SNX8: variants seen among roughly 807,000 people sequenced by gnomAD.
The protein encoded by SNX8 is sorting nexin-8.
In SNX8, 25 loss-of-function variants were observed where a neutral mutation model predicts 51.6. The observed-to-expected ratio is 0.48, with a 90% confidence interval of 0.35 to 0.68. The LOEUF (loss-of-function observed/expected upper bound fraction) is 0.68, where lower values mean the gene tolerates loss of function less well. SNX8 is among the 30% of genes least tolerant of loss of function. The pLI is 0.00. For missense variants in SNX8, 695 were observed against 624.0 expected (o/e 1.11, Z -1.21); for synonymous variants, 324 against 277.0 (o/e 1.17, Z -1.68).
At position 2,251,895 on chromosome 7, in the gene SNX8, T is replaced by G. The variant is rs1358155060; in HGVS notation, c.*3161A>C. The G allele has an allele frequency of 6.6e-6, 1 of 152,274 alleles. No homozygotes were observed. The highest frequency in any genetic ancestry group is 2.4e-5 in the African/African-American group (1 of 41,462). The allele number at this position is 152,274 out of a possible 1,614,324, so 9.4% of individuals were successfully genotyped here. A position where few individuals can be genotyped will look rare whatever the true frequency, so the allele number is the denominator to read the frequency against. ...CTCCTAAAGTGCTTTGGACATGAAC[T>G]GACCCGCAAAGCAAGGGCAAAGGCC... On this transcript the variant is annotated 3_prime_UTR_variant, in exon 11 of 11. Transcript: ENST00000222990.
Position 2,264,416 on chromosome 7 carries a change from G to T in SNX8, c.664C>A (p.Arg222=), listed in dbSNP as rs375260506. 13 of 1,612,076 alleles carry T rather than the reference G, an allele frequency of 8.1e-6. No individual in the cohort carries two copies. The highest frequency in any genetic ancestry group is 6.7e-5 in the Admixed American group (4 of 59,984). Reference sequence around the variant, plus strand: ...TTGTAGATGTTCCGGATCAGCTCCCGGCTGATGGCAAACTGAGCCTGGATG... The same window carrying T: ...TTGTAGATGTTCCGGATCAGCTCCCTGCTGATGGCAAACTGAGCCTGGATG... ...ADIQAQFAIS[R]ELIRNIYNSF... The change falls in exon 6 of 11, where the codon CGG becomes AGG. Residue 222 remains arginine (R), a synonymous_variant. Transcript: ENST00000222990.
chr7:2,336,584 T>C (rs1033939852), intron 1 of SNX8, among the ~76,000 whole-genome samples: 3 of 151,956 alleles, frequency 2.0e-5, no homozygotes, highest in Non-Finnish European at 4.4e-5. Flanking sequence ...GGTGCGCACC[T>C]GTAAACCCAG....
At chr7:2,351,818 G>A (rs1312498415) in intron 1 of SNX8, among the ~76,000 whole-genome samples, 3 of 151,212 alleles carry the variant, frequency 2.0e-5, no homozygotes, top group Admixed American at 6.6e-5. Context: ...GCGACAGAGT[G>A]AGACTCCATC....
At chr7:2,271,775 T>C (rs1795648998) in intron 4 of SNX8, 75 bp downstream of exon 4, 1 of 1,521,278 alleles carries the variant, frequency 6.6e-7, no homozygotes. Context: ...AAACCACACC[T>C]GAGAGAGGAA....
rs551747593 is a variant in SNX8 at position 2,266,596 on chromosome 7, C to T, written c.622-2138G>A. On this transcript the variant is annotated intron_variant, in intron 5 of 10. Coordinates refer to ENST00000222990, the MANE Select transcript of SNX8 (RefSeq NM_013321.4). ...TCCTGACCTCGTGATCCACCCGCCT[C>T]GGCCTCCCAAAGTGCTAGGATTACA... Among the ~76,000 whole-genome samples, 6 of 152,306 alleles carry T rather than the reference C, an allele frequency of 3.9e-5. No individual in the cohort carries two copies. In the East Asian group the frequency reaches 9.7e-4, roughly 25 times the overall value.
intron 1 of SNX8, among the ~76,000 whole-genome samples, chr7:2,302,039 G>A (rs1344891323): frequency 6.6e-6 from 1 of 151,950 alleles, no homozygotes; most frequent in African/African-American, 2.4e-5. Flanking sequence ...TCAAGAGATC[G>A]AGACCATCCT....
chr7:2,319,635 G>A lies in SNX8; in HGVS notation c.-66+34587C>T, dbSNP rs563957474. 3.9e-5 allele frequency among the ~76,000 whole-genome samples: 6 copies of A among 152,254 alleles called. No homozygotes were observed. In the South Asian group the frequency reaches 1.0e-3, roughly 26 times the overall value. On this transcript the variant is annotated intron_variant, in intron 1 of 5. Coordinates refer to the SNX8 transcript ENST00000435336. ...TCGAGACCATCCTGGCTAACACGGT[G>A]AAACCCCGTCTCTACTAAAAATACC...
chr7:2,317,236 A>AGGATCCT (rs1294369601), upstream of SNX8, among the ~76,000 whole-genome samples: 33 of 134,074 alleles, frequency 2.5e-4, no homozygotes, highest in Non-Finnish European at 4.5e-4. Context: ...TTCCAAAGGA[A>AGGATCCT]GGATCCTGGA....
Position 2,302,399 on chromosome 7 carries a change from C to T in SNX8, c.94+11929G>A, listed in dbSNP as rs993230798. Among the ~76,000 whole-genome samples, 4 of 152,388 alleles carry T rather than the reference C, an allele frequency of 2.6e-5. No homozygotes were observed. In the South Asian group the frequency reaches 8.3e-4, roughly 32 times the overall value. ...GATTGCAGACGGAGTCTAGTTCACT[C>T]AGTGCTCAATGGTGCCCAGGCTGGA... is the stretch of plus-strand genomic sequence containing the variant. On this transcript the variant is annotated intron_variant, in intron 1 of 10. Coordinates refer to ENST00000222990, the MANE Select transcript of SNX8 (RefSeq NM_013321.4).
At position 2,342,974 on chromosome 7, in the gene SNX8, T is replaced by C. The variant is rs1486185489; in HGVS notation, c.-66+11248A>G. Among the ~76,000 whole-genome samples the C allele has an allele frequency of 2.6e-5, 4 of 152,130 alleles. No individual in the cohort carries two copies. The East Asian group carries it at 5.9e-4, about 22-fold the overall frequency. ...CCACCGGCTAATTTTTTTGTATTTTTAGTAGAGACGGGGTTTTACCGTATT... is the reference window on the plus strand; with the variant it reads ...CCACCGGCTAATTTTTTTGTATTTTCAGTAGAGACGGGGTTTTACCGTATT... On this transcript the variant is annotated intron_variant, in intron 1 of 5. Transcript: ENST00000435336.
intron 1 of SNX8, among the ~76,000 whole-genome samples, chr7:2,349,725 C>T (rs1231676381): frequency 1.3e-5 from 2 of 152,052 alleles, no homozygotes; most frequent in Non-Finnish European, 2.9e-5. Flanking sequence ...CGTGAGCCAC[C>T]GCGCCTGGCC....
chr7:2,340,759 T>A (rs1353243593), intron 1 of SNX8, among the ~76,000 whole-genome samples: 1 of 143,212 alleles, frequency 7.0e-6, no homozygotes, highest in Non-Finnish European at 1.5e-5. Context: ...CAGGAGGCTG[T>A]AGCAGGAGAA....
At chr7:2,260,650 C>T (rs1211741875) in intron 7 of SNX8, among the ~76,000 whole-genome samples, 1 of 152,114 alleles carries the variant, frequency 6.6e-6, no homozygotes. Flanking sequence ...TTAGGAAAAA[C>T]GGTCCTCGCT....
chr7:2,301,549 G>T (rs1796393819), intron 1 of SNX8, among the ~76,000 whole-genome samples: 1 of 152,310 alleles, frequency 6.6e-6, no homozygotes, highest in Non-Finnish European at 1.5e-5. Flanking sequence ...AGGCAGTGTT[G>T]CACTCATATT....
intron 3 of SNX8, among the ~76,000 whole-genome samples, chr7:2,273,295 A>G (rs1283455307): frequency 6.6e-6 from 1 of 152,054 alleles, no homozygotes; most frequent in Admixed American, 6.6e-5. Context: ...GAAAAATACC[A>G]TAAAAGAGGC....
At chr7:2,314,066 C>G (rs924652661) in intron 1 of SNX8, among the ~76,000 whole-genome samples, 1 of 152,170 alleles carries the variant, frequency 6.6e-6, no homozygotes, top group Non-Finnish European at 1.5e-5. Flanking sequence ...ACGCGGCCAG[C>G]TGTAACCTGG....
intron 1 of SNX8, among the ~76,000 whole-genome samples, chr7:2,326,043 G>GT (rs998416825): frequency 3.9e-5 from 6 of 152,106 alleles, no homozygotes; most frequent in Admixed American, 3.9e-4. Context: ...GTGAGGCTTG[G>GT]TTTTTTCTTG....
chr7:2,348,507 A>AT (rs1364340577), intron 1 of SNX8, among the ~76,000 whole-genome samples: 7 of 151,382 alleles, frequency 4.6e-5, no homozygotes, highest in Non-Finnish European at 8.8e-5. Context: ...GGCCCGGCTA[A>AT]TTTTTTTGTA....
rs559793288 is a variant in SNX8 at position 2,274,247 on chromosome 7, C to T, written c.418+865G>A. On this transcript the variant is annotated intron_variant, in intron 3 of 10. Coordinates refer to ENST00000222990, the MANE Select transcript of SNX8 (RefSeq NM_013321.4). ...ACATCATCAGACCCTGGGCTGCTTG[C>T]TCAGTGACCGATGAGAGGCAGAAGC... Among the ~76,000 whole-genome samples the T allele has an allele frequency of 1.3e-4, 20 of 152,386 alleles. No homozygotes were observed. In the South Asian group the frequency reaches 3.3e-3, roughly 25 times the overall value.
Sources: allele counts gnomAD v4.1 joint callset (sites outside exome capture counted in the v4.1 genomes callset), GRCh38; gene constraint gnomAD v4.1.1; transcripts MANE v1.5; gene names NCBI Gene and HGNC (gene_info 2026-07-23, HGNC 2026-07-21).